The following TENM4 variants were observed in gnomAD, a reference collection of about 807,000 sequenced individuals.
The protein encoded by TENM4 is teneurin-4.
A neutral mutation model predicts 243.3 loss-of-function variants in TENM4; 82 were observed. That is an observed-to-expected ratio of 0.34 (90% CI 0.28 to 0.40). TENM4 has a LOEUF of 0.40. TENM4 is among the 10% of genes least tolerant of loss of function. The pLI, the probability that TENM4 is intolerant of heterozygous loss-of-function variation, is 1.00. For synonymous variants in TENM4, 1,412 were observed against 1,456.3 expected (o/e 0.97, Z 0.69); for missense variants, 3,138 against 3,673.3 (o/e 0.85, Z 3.77).
chr11:79,298,484 C>T (rs145642358), intron 1 of TENM4, among the ~76,000 whole-genome samples: 5,272 of 141,466 alleles, frequency 0.037, 323 homozygotes, highest in African/African-American at 0.13. Flanking sequence ...CACTGCAGTC[C>T]GCAGTCCGGC....
chr11:79,152,061 T>C (rs1175423136), intron 3 of TENM4, among the ~76,000 whole-genome samples: 5 of 151,964 alleles, frequency 3.3e-5, no homozygotes, highest in African/African-American at 9.7e-5. Flanking sequence ...ATGCAAAGAG[T>C]ACGTGCTAAA....
At chr11:79,389,198 C>T (rs1858178519) in intron 1 of TENM4, among the ~76,000 whole-genome samples, 1 of 152,166 alleles carries the variant, frequency 6.6e-6, no homozygotes, top group Non-Finnish European at 1.5e-5. Context: ...CTCCATCCCC[C>T]AGGCTGGAGT....
chr11:78,768,380 A>T (rs1298868853), intron 18 of TENM4, among the ~76,000 whole-genome samples: 1 of 152,208 alleles, frequency 6.6e-6, no homozygotes, highest in East Asian at 1.9e-4. Flanking sequence ...GTCCCATGGG[A>T]CAGAAACCAC....
chr11:79,044,415 G>A (rs921252546), intron 6 of TENM4, among the ~76,000 whole-genome samples: 1 of 152,194 alleles, frequency 6.6e-6, no homozygotes, highest in African/African-American at 2.4e-5. Context: ...GGAATAGGGT[G>A]GGGCGCATAG....
chr11:79,161,078 A>G (rs1303484939), intron 3 of TENM4, among the ~76,000 whole-genome samples: 1 of 152,208 alleles, frequency 6.6e-6, no homozygotes. Flanking sequence ...CATGTTAGAA[A>G]AAGATAAAAG....
intron 3 of TENM4, among the ~76,000 whole-genome samples, chr11:79,153,798 C>A (rs1862552955): frequency 6.6e-6 from 1 of 152,052 alleles, no homozygotes; most frequent in Non-Finnish European, 1.5e-5. Context: ...GTCTACGAGG[C>A]CCCCTTTCTT....
At chr11:79,052,950 C>A (rs1290192478) in intron 6 of TENM4, among the ~76,000 whole-genome samples, 1 of 152,208 alleles carries the variant, frequency 6.6e-6, no homozygotes, top group East Asian at 1.9e-4. Context: ...AGCATGGTAA[C>A]ACATCACCGT....
chr11:78,677,851 C>T lies in TENM4; in HGVS notation c.5261-1464G>A, dbSNP rs544643579. Among the ~76,000 whole-genome samples, 85 of 142,492 alleles carry T rather than the reference C, an allele frequency of 6.0e-4. 1 individual carries two copies. The East Asian group carries it at 0.017, about 28-fold the overall frequency. 93.5% of individuals were successfully genotyped at this position (142,492 alleles called of 152,430 possible). On this transcript the variant is annotated intron_variant, in intron 29 of 33. Coordinates refer to ENST00000278550, the MANE Select transcript of TENM4 (RefSeq NM_001098816.3). The stretch of plus-strand genomic sequence containing the variant: ...GGTTAGTTACATATGTATACATGTG[C>T]CATGCTGGTGCGCTGCACCCACTAA...
At chr11:78,901,687 T>G (rs1370828159) in intron 7 of TENM4, among the ~76,000 whole-genome samples, 2 of 152,088 alleles carry the variant, frequency 1.3e-5, no homozygotes, top group Non-Finnish European at 2.9e-5. Flanking sequence ...GGTCTTTCAA[T>G]GAGCACATTG....
At chr11:79,064,039 G>T (rs1158683946) in intron 6 of TENM4, among the ~76,000 whole-genome samples, 1 of 151,622 alleles carries the variant, frequency 6.6e-6, no homozygotes, top group Non-Finnish European at 1.5e-5. Context: ...AATACCCTGT[G>T]GAACGATTAA....
At chr11:79,145,390 C>T (rs557840438) in intron 4 of TENM4, among the ~76,000 whole-genome samples, 1 of 152,182 alleles carries the variant, frequency 6.6e-6, no homozygotes, top group African/African-American at 2.4e-5. Flanking sequence ...CACTCCTTCC[C>T]ATTTACCAAC....
chr11:78,838,821 T>C, intron 12 of TENM4, among the ~76,000 whole-genome samples: 1 of 152,182 alleles, frequency 6.6e-6, no homozygotes, highest in East Asian at 1.9e-4. Flanking sequence ...CAATGTTAAA[T>C]AGTGGGCCAA....
chr11:78,808,101 T>G (rs1424407982), intron 14 of TENM4, among the ~76,000 whole-genome samples: 1 of 152,224 alleles, frequency 6.6e-6, no homozygotes, highest in Non-Finnish European at 1.5e-5. Context: ...TAATTATATT[T>G]TGTAACCTGG....
At chr11:79,403,025 AT>A (rs1233562486) in intron 1 of TENM4, among the ~76,000 whole-genome samples, 5 of 152,166 alleles carry the variant, frequency 3.3e-5, no homozygotes, top group Non-Finnish European at 7.4e-5. Flanking sequence ...GGCACATTTT[AT>A]TTTCCCTTCT....
intron 12 of TENM4, among the ~76,000 whole-genome samples, chr11:78,832,400 C>A (rs926234089): frequency 6.6e-6 from 1 of 152,256 alleles, no homozygotes; most frequent in East Asian, 1.9e-4. Context: ...ACTTGCACTG[C>A]CTTTGTCTCC....
chr11:79,321,958 G>T (rs1405666884), intron 1 of TENM4, among the ~76,000 whole-genome samples: 1 of 152,162 alleles, frequency 6.6e-6, no homozygotes, highest in African/African-American at 2.4e-5. Flanking sequence ...CCATGTCTGG[G>T]CCAAAATGGG....
At chr11:78,877,371 T>C (rs1859294334) in intron 9 of TENM4, among the ~76,000 whole-genome samples, 1 of 152,194 alleles carries the variant, frequency 6.6e-6, no homozygotes, top group Non-Finnish European at 1.5e-5. Context: ...TAACTTCTCC[T>C]CCAGTTAGGT....
chr11:78,895,443 A>G (rs1021381716), intron 7 of TENM4, among the ~76,000 whole-genome samples: 2 of 152,172 alleles, frequency 1.3e-5, no homozygotes, highest in Admixed American at 6.5e-5. Context: ...ACTGAGGCCC[A>G]GAGAGACATG....
chr11:79,414,993 G>A (rs1043445212), intron 1 of TENM4, among the ~76,000 whole-genome samples: 2 of 152,202 alleles, frequency 1.3e-5, no homozygotes, highest in African/African-American at 4.8e-5. Context: ...CGTGGTGCAG[G>A]GGCAAGCATG....
Sources: allele counts gnomAD v4.1 joint callset (sites outside exome capture counted in the v4.1 genomes callset), GRCh38; gene constraint gnomAD v4.1.1; transcripts MANE v1.5; gene names NCBI Gene and HGNC (gene_info 2026-07-23, HGNC 2026-07-21).